Variants in COL4A6 observed in about 807,000 individuals in gnomAD.
The protein encoded by COL4A6 is collagen type IV alpha 6 chain, also known as collagen alpha-6(IV) chain.
A neutral mutation model predicts 126.7 loss-of-function variants in COL4A6; 59 were observed. The observed-to-expected ratio is 0.47, with a 90% CI of 0.38 to 0.58. The LOEUF (loss-of-function observed/expected upper bound fraction) is 0.58. COL4A6 is among the 20% of genes least tolerant of loss of function. The probability of loss-of-function intolerance (pLI) is 0.00; values close to 1 mark genes in which losing one functional copy is unlikely to be tolerated. For missense variants in COL4A6, 1,285 were observed against 1,337.3 expected (o/e 0.96, Z 0.61); for synonymous variants, 547 against 496.6 (o/e 1.10, Z -1.35).
In COL4A6 at chrX:108,164,992, C is replaced by T. The variant is rs34132805; in HGVS notation, c.3855G>A (p.Ser1285=). 5.7e-3 allele frequency: 6,879 copies of T among 1,208,093 alleles called. 237 individuals carry two copies. The African/African-American group carries it at 0.11, about 18-fold the overall frequency. The change falls in exon 39 of 45, where the codon TCG becomes TCA. Residue 1285 remains serine (S), a synonymous_variant. Transcript: ENST00000334504. Reference sequence around the variant, plus strand: ...CAGGGTCTCCGGTGTCGCCTTGATTCGAGGATGGCCCAGGGGGACCTGGGG... The same window carrying T: ...CAGGGTCTCCGGTGTCGCCTTGATTTGAGGATGGCCCAGGGGGACCTGGGG... ...AGPPGPPGPS[S]NQGDTGDPGF...
At chrX:108,290,217 G>A (rs1207087678) in intron 3 of COL4A6, among the ~76,000 whole-genome samples, 1 of 112,132 alleles carries the variant, frequency 8.9e-6, no homozygotes, top group Non-Finnish European at 1.9e-5. Context: ...TAGGAAGAAG[G>A]AAGTTTACTG....
chrX:108,161,644 T>C lies in COL4A6; in HGVS notation c.4308A>G (p.Gly1436=). ...PGALGDPGLP[G]LQGPPGFEGA... ...CTTCAAATCCTGGAGGGCCTTGCAG[T>C]CCAGGCAGACCAGGATCACCAAGAG... The change falls in exon 42 of 45, where the codon GGA becomes GGG. Residue 1436 remains glycine (G), a synonymous_variant. Transcript: ENST00000334504. 1 of 1,168,028 alleles carries C rather than the reference T, an allele frequency of 8.6e-7. No individual in the cohort carries two copies. Among genetic ancestry groups the C allele is most frequent in the Non-Finnish European group, 1.1e-6 (1 of 875,640 alleles).
intron 2 of COL4A6, among the ~76,000 whole-genome samples, chrX:108,381,067 C>T (rs960839165): frequency 8.9e-6 from 1 of 111,944 alleles, no homozygotes; most frequent in South Asian, 3.7e-4. Context: ...ATTCCCAGTT[C>T]GTCACTGTCC....
chrX:108,383,164 T>C (rs1279354888), intron 2 of COL4A6, among the ~76,000 whole-genome samples: 1 of 110,110 alleles, frequency 9.1e-6, no homozygotes, highest in Non-Finnish European at 1.9e-5. Flanking sequence ...TCAGAATGAA[T>C]AAAAAGCAAG....
Position 108,438,208 on chromosome X carries a change from C to T in COL4A6, c.-12G>A, listed in dbSNP as rs747500275. On this transcript the variant is annotated 5_prime_UTR_variant, in exon 1 of 45. Transcript: ENST00000334504. ...CACCCAGGGTGCATGCTTGCGGCTC[C>T]TCCGGAGCTGGGTCCCGGGAGACTG... 3.4e-6 allele frequency: 4 copies of T among 1,187,300 alleles called. No homozygotes were observed. The East Asian group carries it at 1.2e-4, about 35-fold the overall frequency.
chrX:108,382,926 C>T (rs1603197163), intron 2 of COL4A6, among the ~76,000 whole-genome samples: 1 of 103,718 alleles, frequency 9.6e-6, no homozygotes, highest in South Asian at 4.6e-4. Context: ...CCAGTCTGGG[C>T]GACAGAGTGA....
intron 2 of COL4A6, among the ~76,000 whole-genome samples, chrX:108,365,616 C>G (rs771752634): frequency 8.9e-6 from 1 of 112,241 alleles, no homozygotes; most frequent in Admixed American, 9.5e-5. Flanking sequence ...ACAGACACTG[C>G]TAAATGCCCT....
intron 2 of COL4A6, among the ~76,000 whole-genome samples, chrX:108,318,161 C>A (rs1195164948): frequency 9.0e-6 from 1 of 111,415 alleles, no homozygotes; most frequent in Non-Finnish European, 1.9e-5. Flanking sequence ...AGGCCTTTGA[C>A]AAAATTCAAC....
rs1345168516 is a variant in COL4A6, at chrX:108,227,117, T to G, written c.145-5743A>C. On this transcript the variant is annotated intron_variant, in intron 3 of 44. Transcript: ENST00000334504. ...CCAATGTGTGGGCTAGGTTGCCTGT[T>G]TATGTGTCTATACCTCCCAACAGAC... 3.6e-5 allele frequency among the ~76,000 whole-genome samples: 4 copies of G among 111,944 alleles called. No individual in the cohort carries two copies. The East Asian group carries it at 1.1e-3, about 32-fold the overall frequency.
At chrX:108,271,743 GT>G (rs1183214782) in intron 3 of COL4A6, among the ~76,000 whole-genome samples, 1 of 111,792 alleles carries the variant, frequency 8.9e-6, no homozygotes, top group Non-Finnish European at 1.9e-5. Flanking sequence ...TCTATTGGCG[GT>G]TGTGATTGTT....
intron 2 of COL4A6, among the ~76,000 whole-genome samples, chrX:108,418,299 A>G (rs949732642): frequency 2.7e-5 from 3 of 112,309 alleles, no homozygotes; most frequent in African/African-American, 9.7e-5. Flanking sequence ...TTCCTTATGT[A>G]AAATCCTAAC....
chrX:108,289,743 A>G (rs777669956), intron 3 of COL4A6, among the ~76,000 whole-genome samples: 3 of 111,095 alleles, frequency 2.7e-5, no homozygotes, highest in South Asian at 3.9e-4. Flanking sequence ...TCCCTTTTGC[A>G]TATATTAAAA....
chrX:108,287,656 C>T (rs1310125918), intron 3 of COL4A6, among the ~76,000 whole-genome samples: 2 of 111,787 alleles, frequency 1.8e-5, no homozygotes, highest in Non-Finnish European at 3.8e-5. Flanking sequence ...GTAGTTCTTT[C>T]CCCAGTCTAG....
chrX:108,166,986 A>G (rs2034148705), intron 37 of COL4A6, among the ~76,000 whole-genome samples: 1 of 112,083 alleles, frequency 8.9e-6, no homozygotes, highest in African/African-American at 3.2e-5. Flanking sequence ...GGTGGGCAGT[A>G]CACAAATTAT....
chrX:108,307,543 T>C (rs2038655698), intron 3 of COL4A6, among the ~76,000 whole-genome samples: 1 of 112,000 alleles, frequency 8.9e-6, no homozygotes, highest in Non-Finnish European at 1.9e-5. Context: ...TCCTAGTCAG[T>C]TCAAGAGGAC....
chrX:108,158,950 G>A (rs758048726), intron 44 of COL4A6, among the ~76,000 whole-genome samples: 13 of 112,422 alleles, frequency 1.2e-4, no homozygotes, highest in South Asian at 7.5e-4. Flanking sequence ...CCTTCACACC[G>A]AAATGGAGAG....
At chrX:108,400,373 G>A (rs1404517765) in intron 2 of COL4A6, among the ~76,000 whole-genome samples, 2 of 110,734 alleles carry the variant, frequency 1.8e-5, no homozygotes, top group African/African-American at 6.5e-5. Flanking sequence ...ACTCATTTTT[G>A]CTTGTAATAG....
At chrX:108,213,975 G>A in intron 6 of COL4A6, 137 bp downstream of exon 6, 1 of 522,252 alleles carries the variant, frequency 1.9e-6, no homozygotes, top group Non-Finnish European at 3.3e-6. Flanking sequence ...GGTGCTGCCA[G>A]TATTGACTCC....
intron 40 of COL4A6, 46 bp downstream of exon 40, chrX:108,164,554 C>A: frequency 8.9e-7 from 1 of 1,122,121 alleles, no homozygotes; most frequent in Non-Finnish European, 1.2e-6. Context: ...ACCACCAGGC[C>A]CCTCCCTCGA....
Sources: allele counts gnomAD v4.1 joint callset (sites outside exome capture counted in the v4.1 genomes callset), GRCh38; gene constraint gnomAD v4.1.1; transcripts MANE v1.5; gene names NCBI Gene and HGNC (gene_info 2026-07-23, HGNC 2026-07-21).